The following ASPH variants were observed in gnomAD, a reference collection of about 807,000 sequenced individuals.
ASPH encodes aspartate beta-hydroxylase.
A neutral mutation model predicts 118.4 loss-of-function variants in ASPH; 100 were observed. The ratio of observed to expected loss-of-function variants is 0.84; its 90% CI spans 0.72 to 1.00. The LOEUF (loss-of-function observed/expected upper bound fraction) is 1.00. ASPH is among the 50% of genes least tolerant of loss of function. ASPH has a pLI of 0.00. For missense variants in ASPH, 920 were observed against 919.5 expected (o/e 1.00, Z -0.01); for synonymous variants, 315 against 325.6 (o/e 0.97, Z 0.35).
At chr8:61,512,757 G>C (rs1427172792) in intron 24 of ASPH, among the ~76,000 whole-genome samples, 1 of 152,136 alleles carries the variant, frequency 6.6e-6, no homozygotes, top group Non-Finnish European at 1.5e-5. Context: ...CGTATGTAGA[G>C]TGCTTAGAGC....
At chr8:61,708,055 A>G (rs1837135311) in intron 1 of ASPH, among the ~76,000 whole-genome samples, 1 of 152,178 alleles carries the variant, frequency 6.6e-6, no homozygotes, top group East Asian at 1.9e-4. Flanking sequence ...AATGTTTAAC[A>G]ATGGTTAGGA....
At chr8:61,713,455 A>G (rs1838560900) in intron 1 of ASPH, among the ~76,000 whole-genome samples, 1 of 152,250 alleles carries the variant, frequency 6.6e-6, no homozygotes. Flanking sequence ...AATCACTTCA[A>G]GTGAAGTTTA....
chr8:61,623,892 T>C (rs769192309), intron 13 of ASPH: 2 of 152,178 alleles, frequency 1.3e-5, no homozygotes, highest in Admixed American at 1.3e-4. Context: ...GAGGTCATTA[T>C]GTTAGGTGAA....
At chr8:61,550,639 T>A (rs1350380287) in intron 20 of ASPH, among the ~76,000 whole-genome samples, 2 of 152,172 alleles carry the variant, frequency 1.3e-5, no homozygotes, top group Non-Finnish European at 2.9e-5. Context: ...GAGACACACT[T>A]CTGGTGAGAA....
intron 21 of ASPH, among the ~76,000 whole-genome samples, chr8:61,543,960 A>T (rs1179569878): frequency 6.6e-6 from 1 of 152,210 alleles, no homozygotes; most frequent in Non-Finnish European, 1.5e-5. Context: ...TTTTCTTGCA[A>T]GTGAGGACAA....
At chr8:61,628,970 C>T (rs1297379597) in intron 13 of ASPH, among the ~76,000 whole-genome samples, 2 of 152,182 alleles carry the variant, frequency 1.3e-5, no homozygotes, top group Admixed American at 6.5e-5. Flanking sequence ...TCAATTTCCA[C>T]CCTTGCCCCC....
intron 22 of ASPH, among the ~76,000 whole-genome samples, chr8:61,524,537 T>C (rs1348756731): frequency 1.3e-5 from 2 of 152,102 alleles, no homozygotes; most frequent in African/African-American, 4.8e-5. Flanking sequence ...TAAATTCCAT[T>C]CAATGGGAAT....
At chr8:61,639,240 G>C (rs148279626) in intron 10 of ASPH, among the ~76,000 whole-genome samples, 1 of 152,198 alleles carries the variant, frequency 6.6e-6, no homozygotes, top group African/African-American at 2.4e-5. Context: ...TCTTAAGCTT[G>C]CTTCTCGTCA....
At chr8:61,652,675 T>C (rs1811633463) in intron 4 of ASPH, among the ~76,000 whole-genome samples, 1 of 152,132 alleles carries the variant, frequency 6.6e-6, no homozygotes, top group Non-Finnish European at 1.5e-5. Flanking sequence ...AAAGTAAAAT[T>C]TGAGGTGCTA....
rs116728044 is a variant in ASPH, at chr8:61,713,689, T to A, written c.103+580A>T. On this transcript the variant is annotated intron_variant, in intron 1 of 24. Transcript: ENST00000379454. ...ATACAGACGCTCGTTCAGTATTTCATGACATTCTATTTTAAAGGCAACTGC... is the reference window on the plus strand; with the variant it reads ...ATACAGACGCTCGTTCAGTATTTCAAGACATTCTATTTTAAAGGCAACTGC... Among the ~76,000 whole-genome samples, 1,059 of 152,326 alleles carry A rather than the reference T, an allele frequency of 7.0e-3. 9 individuals are homozygous for A. The highest frequency in any genetic ancestry group is 0.027 in the Middle Eastern group (8 of 294).
intron 13 of ASPH, among the ~76,000 whole-genome samples, chr8:61,622,537 T>C (rs949422139): frequency 2.0e-5 from 3 of 152,196 alleles, no homozygotes; most frequent in Non-Finnish European, 4.4e-5. Flanking sequence ...GACTGCTCTC[T>C]CCCTAAGCAC....
chr8:61,617,503 A>G (rs1016033519), intron 14 of ASPH, among the ~76,000 whole-genome samples: 1 of 152,220 alleles, frequency 6.6e-6, no homozygotes, highest in African/African-American at 2.4e-5. Flanking sequence ...AAGGCAGCGG[A>G]GAGCTTGTGA....
Position 61,521,070 on chromosome 8 carries a change from C to T in ASPH, c.1901-2947G>A, listed in dbSNP as rs533635790. 2.6e-5 allele frequency among the ~76,000 whole-genome samples: 4 copies of T among 152,324 alleles called. No individual in the cohort carries two copies. In the South Asian group the frequency reaches 8.3e-4, roughly 32 times the overall value. ...GGGTCCAAGGAATGCAACGGCAGTT[C>T]CTTGATGCTCACGACAGGCCAGGAA... On this transcript the variant is annotated intron_variant, in intron 22 of 24. Transcript: ENST00000379454.
intron 14 of ASPH, among the ~76,000 whole-genome samples, chr8:61,604,631 G>A (rs889300591): frequency 4.6e-5 from 7 of 152,164 alleles, no homozygotes; most frequent in African/African-American, 1.2e-4. Flanking sequence ...TACATGTTGT[G>A]ATCCCTTTTA....
chr8:61,579,503 G>T lies in ASPH; in HGVS notation c.1063-2645C>A. On this transcript the variant is annotated intron_variant, in intron 15 of 24. Coordinates refer to ENST00000379454, the MANE Select transcript of ASPH (RefSeq NM_004318.4). The stretch of plus-strand genomic sequence containing the variant: ...CAGGTGGTCTGAGCTCGGCCTATGG[G>T]GGCCTCACAAGCCCCGGCCTCAGCT... The T allele has an allele frequency of 2.5e-6, 4 of 1,582,104 alleles. 1 individual carries two copies. In the South Asian group the frequency reaches 3.3e-5, roughly 13 times the overall value.
intron 21 of ASPH, among the ~76,000 whole-genome samples, chr8:61,540,914 G>A (rs1000114764): frequency 1.3e-5 from 2 of 151,966 alleles, no homozygotes; most frequent in Non-Finnish European, 2.9e-5. Context: ...GCATCATGGT[G>A]AAACGCCATC....
intron 14 of ASPH, among the ~76,000 whole-genome samples, chr8:61,596,314 C>T (rs570007633): frequency 2.6e-5 from 4 of 152,298 alleles, no homozygotes; most frequent in East Asian, 3.9e-4. Context: ...GACCTAGGTA[C>T]CTGCACATGA....
At chr8:61,565,577 G>A (rs574031734) in intron 17 of ASPH, among the ~76,000 whole-genome samples, 1 of 150,810 alleles carries the variant, frequency 6.6e-6, no homozygotes, top group Admixed American at 6.6e-5. Context: ...AGTAGCAAGT[G>A]CTAATGTAGA....
chr8:61,563,875 C>T (rs1187696409), intron 17 of ASPH, among the ~76,000 whole-genome samples: 2 of 152,234 alleles, frequency 1.3e-5, no homozygotes, highest in African/African-American at 4.8e-5. Context: ...CCATCCCTTC[C>T]ACTCTGCATC....
Sources: allele counts gnomAD v4.1 joint callset (sites outside exome capture counted in the v4.1 genomes callset), GRCh38; gene constraint gnomAD v4.1.1; transcripts MANE v1.5; gene names NCBI Gene and HGNC (gene_info 2026-07-23, HGNC 2026-07-21).